The following ST3GAL3 variants were observed in gnomAD, a reference collection of about 807,000 sequenced individuals.
ST3GAL3 encodes CMP-N-acetylneuraminate-beta-1,4-galactoside alpha-2,3-sialyltransferase.
A neutral mutation model predicts 50.1 loss-of-function variants in ST3GAL3; 21 were observed. That is an observed-to-expected ratio of 0.42 (90% CI 0.30 to 0.60). ST3GAL3 has a LOEUF of 0.60. Ranked by LOEUF, ST3GAL3 falls within the 20% of genes least tolerant of loss-of-function variation. The pLI is 0.19. For synonymous variants in ST3GAL3, 183 were observed against 190.0 expected, an observed-to-expected ratio of 0.96 and a Z score of 0.30; for missense variants, 353 against 489.4, an observed-to-expected ratio of 0.72 and a Z score of 2.63.
rs762536905 is a variant in ST3GAL3, at chr1:43,894,374, A to G, written c.303-9A>G. 16 of 1,613,754 alleles carry G rather than the reference A, an allele frequency of 9.9e-6. No homozygotes were observed. In the Admixed American group the frequency reaches 2.5e-4, roughly 25 times the overall value. On this transcript the variant is annotated splice_polypyrimidine_tract_variant and intron_variant, in intron 5 of 11. Transcript: ENST00000347631. ...TTTTGTGATCCTCAGCAGTCCTGTTATATTCCAGGTTCTCCAAGCCAGCAC... is the reference window on the plus strand; with the variant it reads ...TTTTGTGATCCTCAGCAGTCCTGTTGTATTCCAGGTTCTCCAAGCCAGCAC...
chr1:43,875,683 C>T lies in ST3GAL3; in HGVS notation c.303-18700C>T, dbSNP rs575746877. Among the ~76,000 whole-genome samples the T allele has an allele frequency of 3.2e-3, 480 of 152,100 alleles. 2 individuals are homozygous for T. Among genetic ancestry groups the T allele is most frequent in the African/African-American group, 0.011 (456 of 41,484 alleles). On this transcript the variant is annotated intron_variant, in intron 5 of 11. Coordinates refer to ENST00000347631, the MANE Select transcript of ST3GAL3 (RefSeq NM_006279.5). The stretch of plus-strand genomic sequence containing the variant: ...AGGTGCCTGCTCCTGTTTCACCTTC[C>T]GCCATGATTGTGTTTCCTGAGGCCT...
intron 2 of ST3GAL3, among the ~76,000 whole-genome samples, chr1:43,782,016 G>A (rs1027728541): frequency 2.6e-5 from 4 of 152,282 alleles, no homozygotes; most frequent in African/African-American, 9.6e-5. Flanking sequence ...TTTACTGGCT[G>A]CTCTATGACA....
chr1:43,849,556 C>T (rs777223476), intron 5 of ST3GAL3, among the ~76,000 whole-genome samples: 8 of 152,152 alleles, frequency 5.3e-5, no homozygotes, highest in Non-Finnish European at 1.2e-4. Flanking sequence ...ATGTTTTGCA[C>T]TTCAGCTATG....
At chr1:43,898,345 G>T in intron 7 of ST3GAL3, 47 bp downstream of exon 7, 4 of 1,600,776 alleles carry the variant, frequency 2.5e-6, no homozygotes, top group African/African-American at 1.3e-5. Context: ...GCCTGGTGGT[G>T]TGCAGAGGTG....
chr1:43,780,737 A>G (rs1354791816), intron 2 of ST3GAL3, among the ~76,000 whole-genome samples: 2 of 151,670 alleles, frequency 1.3e-5, no homozygotes, highest in African/African-American at 4.8e-5. Context: ...CACCTCACCA[A>G]ATATATTTTT....
At chr1:43,734,380 C>T (rs937101495) in intron 1 of ST3GAL3, among the ~76,000 whole-genome samples, 2 of 143,166 alleles carry the variant, frequency 1.4e-5, no homozygotes, top group African/African-American at 5.0e-5. Flanking sequence ...TCACAACTCA[C>T]TGCAGCCTCA....
intron 4 of ST3GAL3, among the ~76,000 whole-genome samples, chr1:43,827,242 G>T (rs1573758543): frequency 6.6e-6 from 1 of 152,180 alleles, no homozygotes. Flanking sequence ...TTTTCAGGCT[G>T]TAAGGTTAAT....
intron 1 of ST3GAL3, chr1:43,709,482 C>T (rs1663465299): frequency 6.6e-6 from 1 of 151,874 alleles, no homozygotes; most frequent in South Asian, 2.1e-4. Flanking sequence ...TTTCTGGACT[C>T]AGGCGATCCT....
intron 11 of ST3GAL3, among the ~76,000 whole-genome samples, chr1:43,924,241 C>T (rs1244437982): frequency 6.6e-6 from 1 of 152,148 alleles, no homozygotes; most frequent in East Asian, 1.9e-4. Flanking sequence ...AGAACTGCCT[C>T]ACCATCACCG....
At position 43,758,580 on chromosome 1, in the gene ST3GAL3, G is replaced by A. The variant is rs558336934; in HGVS notation, c.118+22200G>A. The stretch of plus-strand genomic sequence containing the variant: ...ATAATAAAATTTAAATTGAGAGACA[G>A]CATTAAGATTTAAAGTATTTTTCTT... On this transcript the variant is annotated intron_variant, in intron 2 of 11. Transcript: ENST00000347631. 6.6e-5 allele frequency among the ~76,000 whole-genome samples: 10 copies of A among 152,224 alleles called. No homozygotes were observed. The South Asian group carries it at 1.2e-3, about 19-fold the overall frequency.
intron 2 of ST3GAL3, chr1:43,771,939 CTCTT>C (rs1238791304): frequency 1.0e-5 from 4 of 398,192 alleles, no homozygotes; most frequent in Middle Eastern, 6.2e-4. Flanking sequence ...CCATTTTTCT[CTCTT>C]TCAGGAGCAT....
chr1:43,798,295 T>C (rs2058924428), intron 3 of ST3GAL3, among the ~76,000 whole-genome samples: 1 of 152,230 alleles, frequency 6.6e-6, no homozygotes, highest in African/African-American at 2.4e-5. Flanking sequence ...CTGTACCTTG[T>C]AGCCAGAGTA....
At chr1:43,767,241 A>G (rs1020522483) in intron 2 of ST3GAL3, among the ~76,000 whole-genome samples, 9 of 152,104 alleles carry the variant, frequency 5.9e-5, no homozygotes, top group African/African-American at 2.2e-4. Context: ...GGCTAGGAGG[A>G]GCAGAAAGGC....
chr1:43,895,908 T>G (rs1156661636), intron 6 of ST3GAL3, among the ~76,000 whole-genome samples: 2 of 152,220 alleles, frequency 1.3e-5, no homozygotes, highest in African/African-American at 4.8e-5. Context: ...TGCTAATGTG[T>G]GCTCTTTCTG....
At chr1:43,775,602 T>A (rs1325317737) in intron 2 of ST3GAL3, among the ~76,000 whole-genome samples, 1 of 152,170 alleles carries the variant, frequency 6.6e-6, no homozygotes, top group South Asian at 2.1e-4. Flanking sequence ...TTGCAAACAC[T>A]TCGTGGGCTA....
At chr1:43,828,738 AC>A (rs2063148508) in intron 4 of ST3GAL3, among the ~76,000 whole-genome samples, 2 of 151,990 alleles carry the variant, frequency 1.3e-5, no homozygotes, top group Non-Finnish European at 1.5e-5. Flanking sequence ...CTAAAAAAAA[AC>A]CAAAAAACCT....
intron 4 of ST3GAL3, among the ~76,000 whole-genome samples, chr1:43,830,504 T>G (rs2154191492): frequency 6.6e-6 from 1 of 152,358 alleles, no homozygotes; most frequent in East Asian, 1.9e-4. Flanking sequence ...AACTCTAACC[T>G]CTATTACATA....
At chr1:43,896,238 A>G (rs1178599249) in intron 6 of ST3GAL3, among the ~76,000 whole-genome samples, 1 of 152,128 alleles carries the variant, frequency 6.6e-6, no homozygotes, top group Non-Finnish European at 1.5e-5. Flanking sequence ...GAAACTGCTC[A>G]GTGTCCCGGA....
intron 9 of ST3GAL3, among the ~76,000 whole-genome samples, chr1:43,908,862 C>T (rs182069530): frequency 6.6e-6 from 1 of 152,306 alleles, no homozygotes; most frequent in Non-Finnish European, 1.5e-5. Context: ...AAACTCCTGA[C>T]CTCAGGTGAT....
Sources: allele counts gnomAD v4.1 joint callset (sites outside exome capture counted in the v4.1 genomes callset), GRCh38; gene constraint gnomAD v4.1.1; transcripts MANE v1.5; gene names NCBI Gene and HGNC (gene_info 2026-07-23, HGNC 2026-07-21).